Variants in TBC1D2B observed in about 807,000 individuals in gnomAD.
TBC1D2B encodes TBC1 domain family member 2B.
In TBC1D2B, 64 loss-of-function variants were observed where a neutral mutation model predicts 100.8. That is an observed-to-expected ratio of 0.64 (90% CI 0.52 to 0.78). The LOEUF is 0.78. Ranked by LOEUF, TBC1D2B falls within the 30% of genes least tolerant of loss-of-function variation. TBC1D2B has a pLI of 0.00. For synonymous variants in TBC1D2B, 480 were observed against 479.7 expected (o/e 1.00, Z -0.01); for missense variants, 1,052 against 1,218.4 (o/e 0.86, Z 2.03).
rs1438430983 is a variant in TBC1D2B, at chr15:78,054,579, A to G, written c.361-392T>C. 3.9e-5 allele frequency among the ~76,000 whole-genome samples: 6 copies of G among 152,244 alleles called. No individual in the cohort carries two copies. In the South Asian group the frequency reaches 1.2e-3, roughly 31 times the overall value. On this transcript the variant is annotated intron_variant, in intron 1 of 12. Coordinates refer to ENST00000300584, the MANE Select transcript of TBC1D2B (RefSeq NM_144572.2). ...CGGCCTTGCCAAATCACATCAAATA[A>G]TGATATTTAAACTCCATCAGCATCT... is the stretch of plus-strand genomic sequence containing the variant.
intron 6 of TBC1D2B, 100 bp downstream of exon 6, chr15:78,024,056 T>C: frequency 1.4e-6 from 2 of 1,414,858 alleles, no homozygotes; most frequent in Admixed American, 2.6e-5. Context: ...AGTGTGCAGC[T>C]GTTCTGCCGT....
intron 3 of TBC1D2B, among the ~76,000 whole-genome samples, chr15:78,041,391 C>G (rs2073092128): frequency 6.6e-6 from 1 of 152,208 alleles, no homozygotes; most frequent in African/African-American, 2.4e-5. Flanking sequence ...CCTGAAGTGG[C>G]CCATTTGGTC....
chr15:78,057,563 T>C (rs968261942), intron 1 of TBC1D2B, among the ~76,000 whole-genome samples: 1 of 152,120 alleles, frequency 6.6e-6, no homozygotes, highest in African/African-American at 2.4e-5. Flanking sequence ...GGAGAACTGC[T>C]TGAACCCAGG....
At chr15:78,029,119 C>T (rs1386079523) in intron 4 of TBC1D2B, among the ~76,000 whole-genome samples, 2 of 150,388 alleles carry the variant, frequency 1.3e-5, no homozygotes, top group Admixed American at 6.6e-5. Flanking sequence ...TGCAGTGGCG[C>T]GATCTCCACT....
intron 3 of TBC1D2B, among the ~76,000 whole-genome samples, chr15:78,042,457 C>T (rs2073110373): frequency 1.3e-5 from 2 of 152,132 alleles, no homozygotes; most frequent in African/African-American, 4.8e-5. Flanking sequence ...AAGCCTCAAC[C>T]TTTTAACATG....
chr15:78,008,462 C>T (rs1350711065), intron 10 of TBC1D2B, among the ~76,000 whole-genome samples: 1 of 152,188 alleles, frequency 6.6e-6, no homozygotes, highest in Non-Finnish European at 1.5e-5. Context: ...CTTGAGGGCT[C>T]CCCACTGGCC....
chr15:78,042,063 T>C (rs533682375), intron 3 of TBC1D2B, among the ~76,000 whole-genome samples: 2 of 152,296 alleles, frequency 1.3e-5, no homozygotes, highest in South Asian at 4.1e-4. Flanking sequence ...ATCACTGTGT[T>C]ACACGGCAAA....
intron 11 of TBC1D2B, 48 bp downstream of exon 11, chr15:78,003,257 G>C: frequency 1.9e-6 from 3 of 1,562,052 alleles, no homozygotes; most frequent in Non-Finnish European, 2.6e-6. Flanking sequence ...CGCTGCTGAC[G>C]GTTGTCAAGT....
At chr15:78,003,676 A>G in intron 10 of TBC1D2B, 186 bp from the exon 11 acceptor site, 1 of 552,026 alleles carries the variant, frequency 1.8e-6, no homozygotes, top group Non-Finnish European at 3.3e-6. Flanking sequence ...GACCTCGTGC[A>G]CTGCAGGTAC....
intron 3 of TBC1D2B, among the ~76,000 whole-genome samples, chr15:78,030,524 G>A (rs1398846970): frequency 6.6e-6 from 1 of 151,930 alleles, no homozygotes; most frequent in African/African-American, 2.4e-5. Flanking sequence ...GGCCAGGCTG[G>A]GCTCGAACTC....
intron 3 of TBC1D2B, 79 bp downstream of exon 3, chr15:78,044,821 A>G: frequency 1.5e-6 from 2 of 1,303,374 alleles, no homozygotes; most frequent in Non-Finnish European, 1.0e-6. Context: ...TAGTTTTATA[A>G]CTTCATTTAT....
chr15:78,074,171 C>T (rs943380491), intron 1 of TBC1D2B, among the ~76,000 whole-genome samples: 1 of 151,692 alleles, frequency 6.6e-6, no homozygotes, highest in Non-Finnish European at 1.5e-5. Context: ...CTACAGCGTG[C>T]GCCACCATGC....
intron 10 of TBC1D2B, 51 bp downstream of exon 10, chr15:78,008,946 T>C: frequency 7.6e-7 from 1 of 1,313,008 alleles, no homozygotes; most frequent in Non-Finnish European, 1.1e-6. Context: ...AGGTCACATT[T>C]CAGCTGCAAT....
chr15:78,072,615 T>A (rs969395088), intron 1 of TBC1D2B, among the ~76,000 whole-genome samples: 1 of 152,208 alleles, frequency 6.6e-6, no homozygotes, highest in Non-Finnish European at 1.5e-5. Flanking sequence ...TTCAGTTACG[T>A]GTGGCTCAGA....
chr15:78,047,713 C>T (rs1229380239), intron 2 of TBC1D2B, among the ~76,000 whole-genome samples: 1 of 152,216 alleles, frequency 6.6e-6, no homozygotes, highest in African/African-American at 2.4e-5. Flanking sequence ...GAGTCCAGAG[C>T]CAGGGCCAGA....
intron 3 of TBC1D2B, chr15:78,034,642 G>T (rs1332869651): frequency 1.0e-6 from 1 of 985,230 alleles, no homozygotes; most frequent in African/African-American, 1.7e-5. Flanking sequence ...CGCGGTTTTG[G>T]GTTTCCAGCC....
intron 1 of TBC1D2B, among the ~76,000 whole-genome samples, chr15:78,066,478 A>T (rs1372816289): frequency 6.6e-6 from 1 of 152,180 alleles, no homozygotes; most frequent in Non-Finnish European, 1.5e-5. Context: ...GGGATGCTGG[A>T]AAGAAAGGCA....
chr15:78,077,437 A>T lies in TBC1D2B; in HGVS notation c.216T>A (p.Ser72Arg). The change falls in exon 1 of 13, where the codon AGT becomes AGA. Residue 72 changes from serine to arginine, a missense_variant. Transcript: ENST00000300584. ...GGCCGAGGGGCAGCGCGTCCTGCGG[A>T]CTCTTGAAATAGTAAAGGTAGCAGC... ...ARRCYLYYFKSPQDALPLGHL... is the reference protein window; with the variant it reads ...ARRCYLYYFKRPQDALPLGHL... 1 of 1,544,394 alleles carries T rather than the reference A, an allele frequency of 6.5e-7. No homozygotes were observed. The highest frequency in any genetic ancestry group is 8.7e-7 in the Non-Finnish European group (1 of 1,144,818).
intron 1 of TBC1D2B, chr15:78,066,112 TCC>T: frequency 2.1e-6 from 1 of 470,164 alleles, no homozygotes; most frequent in East Asian, 7.0e-5. Context: ...TCCTGGAGCC[TCC>T]CTCTGAATGC....
Sources: allele counts gnomAD v4.1 joint callset (sites outside exome capture counted in the v4.1 genomes callset), GRCh38; gene constraint gnomAD v4.1.1; transcripts MANE v1.5; gene names NCBI Gene and HGNC (gene_info 2026-07-23, HGNC 2026-07-21).